Variants in FKBP9 observed in about 807,000 individuals in gnomAD.
The protein encoded by FKBP9 is FKBP prolyl isomerase 9.
FKBP9 carries 27 observed loss-of-function variants against 55.6 expected under a neutral mutation model. That is an observed-to-expected ratio of 0.49 (90% CI 0.36 to 0.67). The LOEUF is 0.67. Ranked by LOEUF, FKBP9 falls within the 30% of genes least tolerant of loss-of-function variation. The probability of loss-of-function intolerance (pLI) is 0.00; values close to 1 mark genes in which losing one functional copy is unlikely to be tolerated. For missense variants in FKBP9, 539 were observed against 742.8 expected, an observed-to-expected ratio of 0.73 and a Z score of 3.19; for synonymous variants, 267 against 296.5, an observed-to-expected ratio of 0.90 and a Z score of 1.02.
intron 5 of FKBP9, among the ~76,000 whole-genome samples, chr7:32,983,159 G>C (rs376122278): frequency 1.3e-5 from 2 of 152,054 alleles, no homozygotes; most frequent in African/African-American, 4.8e-5. Context: ...TAGTAGCTAG[G>C]ATTACAGGCA....
chr7:32,995,266 T>C (rs1178204970), intron 6 of FKBP9, among the ~76,000 whole-genome samples: 16 of 151,898 alleles, frequency 1.1e-4, no homozygotes, highest in Non-Finnish European at 2.2e-4. Flanking sequence ...CTAACCTGAG[T>C]TGGTTTTTTT....
intron 6 of FKBP9, among the ~76,000 whole-genome samples, chr7:32,989,789 C>T (rs1485526920): frequency 6.6e-6 from 1 of 152,076 alleles, no homozygotes; most frequent in Non-Finnish European, 1.5e-5. Flanking sequence ...ATGTTCTAAT[C>T]CCCAGAACCT....
intron 4 of FKBP9, among the ~76,000 whole-genome samples, chr7:32,978,864 C>T (rs565140567): frequency 5.3e-5 from 8 of 152,234 alleles, no homozygotes; most frequent in Admixed American, 2.6e-4. Context: ...ATACTGTGCT[C>T]GGCTATCCAA....
intron 1 of FKBP9, among the ~76,000 whole-genome samples, chr7:32,971,453 C>T (rs1392189647): frequency 6.6e-6 from 1 of 151,930 alleles, no homozygotes; most frequent in Non-Finnish European, 1.5e-5. Context: ...TTCTTCCTTT[C>T]TTCCTTTCTT....
At chr7:32,972,942 G>A (rs1226243533) in intron 1 of FKBP9, among the ~76,000 whole-genome samples, 7 of 152,144 alleles carry the variant, frequency 4.6e-5, no homozygotes, top group Admixed American at 2.0e-4. Flanking sequence ...GGCTGGTCTC[G>A]AACTCCTAAT....
At chr7:32,963,674 C>G (rs753038402) in intron 1 of FKBP9, 26 of 1,444,264 alleles carry the variant, frequency 1.8e-5, no homozygotes, top group Non-Finnish European at 2.2e-5. Flanking sequence ...TCTCCAATTC[C>G]TTGTGAGGGT....
At chr7:32,966,523 G>T (rs1784149296) in intron 1 of FKBP9, among the ~76,000 whole-genome samples, 1 of 152,070 alleles carries the variant, frequency 6.6e-6, no homozygotes, top group Non-Finnish European at 1.5e-5. Flanking sequence ...AGGCTGACAT[G>T]TATGGACTAC....
intron 6 of FKBP9, among the ~76,000 whole-genome samples, chr7:32,990,801 T>C (rs1164080131): frequency 1.3e-5 from 2 of 152,246 alleles, no homozygotes; most frequent in African/African-American, 4.8e-5. Context: ...ATTTATTTTG[T>C]TAGTTCTGTT....
At chr7:32,992,172 C>G (rs1288124029) in intron 6 of FKBP9, among the ~76,000 whole-genome samples, 1 of 152,156 alleles carries the variant, frequency 6.6e-6, no homozygotes, top group Non-Finnish European at 1.5e-5. Flanking sequence ...AACCAGAAGT[C>G]CTAGAGCTCT....
chr7:33,005,315 A>G lies in FKBP9; in HGVS notation c.1677A>G (p.Lys559=). 1.2e-6 allele frequency: 2 copies of G among 1,614,118 alleles called. No individual in the cohort carries two copies. Among genetic ancestry groups the G allele is most frequent in the East Asian group, 2.2e-5 (1 of 44,874 alleles). Residue 559 remains lysine (K), a synonymous_variant, in exon 10 of 10, where the codon AAA becomes AAG. Transcript: ENST00000242209. ...GDGKVTAEEF[K]LKDQEAKHDE... ...GGAAGGTCACAGCCGAGGAATTTAAACTCAAAGACCAGGAAGCCAAACACG... is the reference window on the plus strand; with the variant it reads ...GGAAGGTCACAGCCGAGGAATTTAAGCTCAAAGACCAGGAAGCCAAACACG...
intron 1 of FKBP9, among the ~76,000 whole-genome samples, chr7:32,961,116 A>G (rs1188231545): frequency 6.6e-6 from 1 of 152,212 alleles, no homozygotes; most frequent in Admixed American, 6.5e-5. Flanking sequence ...CTATGAAAGC[A>G]CAGAGAAGGT....
Position 33,006,347 on chromosome 7 carries a change from C to T in FKBP9, c.*996C>T, listed in dbSNP as rs1327990338. 5.1e-6 allele frequency: 1 copy of T among 195,876 alleles called. No homozygotes were observed. The highest frequency in any genetic ancestry group is 1.1e-5 in the Non-Finnish European group (1 of 94,298). 12.1% of individuals were successfully genotyped at this position (195,876 alleles called of 1,614,324 possible). ...TGGCCAGGATGGTCTCAATCTCGACCTCGTGATCCGCCCACCTTGGCCTCC... is the reference window on the plus strand; with the variant it reads ...TGGCCAGGATGGTCTCAATCTCGACTTCGTGATCCGCCCACCTTGGCCTCC... On this transcript the variant is annotated 3_prime_UTR_variant, in exon 10 of 10. Coordinates refer to ENST00000242209, the MANE Select transcript of FKBP9 (RefSeq NM_007270.5).
intron 7 of FKBP9, among the ~76,000 whole-genome samples, chr7:32,996,778 C>CTTTTTT (rs1170596077): frequency 6.2e-5 from 2 of 32,340 alleles, no homozygotes; most frequent in Non-Finnish European, 1.1e-4. Flanking sequence ...AAGTCTCACT[C>CTTTTTT]TTTTTTTTTT....
At chr7:32,997,509 G>A (rs1784841802) in intron 7 of FKBP9, among the ~76,000 whole-genome samples, 1 of 152,178 alleles carries the variant, frequency 6.6e-6, no homozygotes, top group Non-Finnish European at 1.5e-5. Flanking sequence ...GAGCCGTCAT[G>A]CCCAGCCGAA....
intron 1 of FKBP9, among the ~76,000 whole-genome samples, chr7:32,970,354 G>A (rs1392386708): frequency 2.0e-5 from 3 of 151,928 alleles, no homozygotes; most frequent in Admixed American, 6.6e-5. Flanking sequence ...ATGCCACCAC[G>A]CCTGTCTAAT....
Position 33,000,123 on chromosome 7 carries a change from T to C in FKBP9, c.1235T>C (p.Leu412Ser), listed in dbSNP as rs767975179. 1.9e-6 allele frequency: 3 copies of C among 1,614,078 alleles called. No homozygotes were observed. In the Admixed American group the frequency reaches 5.0e-5, roughly 27 times the overall value. ...DGTLLDSTWNLGKTYNIVLGS... is the reference protein window; with the variant it reads ...DGTLLDSTWNSGKTYNIVLGS... The stretch of plus-strand genomic sequence containing the variant: ...CTTCTGTTTCATTTTAGGTGGAATT[T>C]AGGCAAAACTTACAATATTGTTCTG... Residue 412 changes from leucine to serine, a missense_variant, in exon 8 of 10, where the codon TTA becomes TCA. By Grantham distance (145) the Leu-to-Ser change is moderately radical. Around this residue, in one of 4 missense-constraint regions of FKBP9, gnomAD observed 172 missense variants for 205.3 expected, o/e 0.84. Transcript: ENST00000242209.
intron 6 of FKBP9, among the ~76,000 whole-genome samples, chr7:32,994,132 T>C (rs1024922217): frequency 2.0e-5 from 3 of 152,212 alleles, no homozygotes; most frequent in Admixed American, 6.5e-5. Flanking sequence ...AATTTAGTTG[T>C]TTTTAGTATA....
At chr7:32,990,167 GA>G (rs1332423635) in intron 6 of FKBP9, among the ~76,000 whole-genome samples, 1 of 152,116 alleles carries the variant, frequency 6.6e-6, no homozygotes, top group African/African-American at 2.4e-5. Flanking sequence ...TTACAGATTT[GA>G]TTAAGGATCT....
chr7:32,964,629 G>T (rs920861985), intron 1 of FKBP9, among the ~76,000 whole-genome samples: 1 of 152,096 alleles, frequency 6.6e-6, no homozygotes, highest in African/African-American at 2.4e-5. Context: ...TTCCTCCTCT[G>T]CAGCGTTCTC....
Sources: gnomAD v4.1 joint callset for allele counts (sites outside exome capture counted in the v4.1 genomes callset) on GRCh38, gnomAD v4.1.1 for gene constraint, gnomAD v4.1.1 regional missense constraint, MANE v1.5 for transcripts, NCBI Gene and HGNC (gene_info 2026-07-23, HGNC 2026-07-21) for gene names.